ATP2B1: variants seen among roughly 807,000 people sequenced by gnomAD.
The protein encoded by ATP2B1 is plasma membrane calcium-transporting ATPase 1.
Under a neutral mutation model 124.2 loss-of-function variants are expected in ATP2B1, and 14 were observed. The observed-to-expected ratio is 0.11, with a 90% confidence interval of 0.07 to 0.18. The LOEUF (loss-of-function observed/expected upper bound fraction) is 0.18. Ranked by LOEUF, ATP2B1 falls within the 10% of genes least tolerant of loss-of-function variation. The pLI, the probability that ATP2B1 is intolerant of heterozygous loss-of-function variation, is 1.00. For synonymous variants in ATP2B1, 449 were observed against 492.4 expected (o/e 0.91, Z 1.17); for missense variants, 763 against 1,466.1 (o/e 0.52, Z 7.83).
At chr12:89,644,936 T>C (rs1884213166) in intron 2 of ATP2B1, among the ~76,000 whole-genome samples, 1 of 152,176 alleles carries the variant, frequency 6.6e-6, no homozygotes, top group Non-Finnish European at 1.5e-5. Flanking sequence ...GGAGAGTATA[T>C]GGGAAGTAAA....
At chr12:89,600,186 G>A (rs1288174049) in intron 19 of ATP2B1, among the ~76,000 whole-genome samples, 5 of 152,094 alleles carry the variant, frequency 3.3e-5, no homozygotes, top group African/African-American at 1.2e-4. Context: ...TCAGAATCTA[G>A]AAACATAGTT....
intron 1 of ATP2B1, among the ~76,000 whole-genome samples, chr12:89,703,110 A>G (rs1467730053): frequency 6.6e-6 from 1 of 152,144 alleles, no homozygotes; most frequent in Non-Finnish European, 1.5e-5. Flanking sequence ...CTTGAGATGA[A>G]CCTGCTTTGA....
chr12:89,592,602 A>C (rs541088069), intron 20 of ATP2B1, among the ~76,000 whole-genome samples: 2 of 152,136 alleles, frequency 1.3e-5, no homozygotes, highest in South Asian at 4.1e-4. Context: ...AGCATAGTCA[A>C]CTGAGAAATA....
At chr12:89,640,959 C>T (rs1482583349) in intron 3 of ATP2B1, among the ~76,000 whole-genome samples, 1 of 152,168 alleles carries the variant, frequency 6.6e-6, no homozygotes, top group Non-Finnish European at 1.5e-5. Flanking sequence ...CTCAGGTATT[C>T]TTATACAGCA....
At position 89,673,584 on chromosome 12, in the gene ATP2B1, G is replaced by A. The variant is rs1196679497; in HGVS notation, c.-221-17477C>T. On this transcript the variant is annotated intron_variant, in intron 1 of 20. Transcript: ENST00000428670. ...AGATACATTGCTATCAACACTGTGA[G>A]GGTGCCATGAGGACTAAAAGACAAC... is the stretch of plus-strand genomic sequence containing the variant. Among the ~76,000 whole-genome samples the A allele has an allele frequency of 1.2e-4, 18 of 152,146 alleles. 1 individual carries two copies. The highest frequency in any genetic ancestry group is 1.2e-3 in the Admixed American group (18 of 15,280).
chr12:89,612,988 C>CT (rs548521922), intron 12 of ATP2B1, among the ~76,000 whole-genome samples: 214 of 148,708 alleles, frequency 1.4e-3, no homozygotes, highest in Admixed American at 3.2e-3. Flanking sequence ...AGACAAGGTA[C>CT]TTTTTTTTTT....
chr12:89,695,956 A>G (rs914469750), intron 1 of ATP2B1, among the ~76,000 whole-genome samples: 4 of 152,202 alleles, frequency 2.6e-5, no homozygotes, highest in Non-Finnish European at 5.9e-5. Context: ...TACAGTTTCT[A>G]TAAGATGCAG....
chr12:89,707,138 A>G (rs1005247243), intron 1 of ATP2B1, among the ~76,000 whole-genome samples: 1 of 152,152 alleles, frequency 6.6e-6, no homozygotes, highest in Non-Finnish European at 1.5e-5. Context: ...TTCTCCTCCA[A>G]TCCCTCTTAA....
chr12:89,621,410 C>A (rs1879940194), intron 10 of ATP2B1, 139 bp downstream of exon 10: 1 of 615,976 alleles, frequency 1.6e-6, no homozygotes, highest in African/African-American at 1.9e-5. Context: ...ATTTAAAAAC[C>A]ATTATATAAA....
intron 15 of ATP2B1, among the ~76,000 whole-genome samples, chr12:89,606,839 G>A (rs1266636589): frequency 7.2e-5 from 11 of 152,164 alleles, no homozygotes; most frequent in Admixed American, 7.2e-4. Flanking sequence ...GCCTCCCAAA[G>A]TGCTGGGATT....
chr12:89,679,769 TAGAAA>T (rs1292236260), intron 1 of ATP2B1, among the ~76,000 whole-genome samples: 2 of 151,990 alleles, frequency 1.3e-5, no homozygotes, highest in African/African-American at 4.8e-5. Context: ...AAATCACCCA[TAGAAA>T]AGAAAGTCCA....
chr12:89,624,512 T>A lies in ATP2B1; in HGVS notation c.1130-115A>T, dbSNP rs922601473. ...ATAACTTGCTTGATAGTATTGAATT[T>A]CTCTGAGAAATTACTTCTTTCTTGC... On this transcript the variant is annotated intron_variant, in intron 8 of 20. Transcript: ENST00000428670. 2.1e-5 allele frequency: 19 copies of A among 885,764 alleles called. No individual in the cohort carries two copies. The African/African-American group carries it at 2.2e-4, about 10-fold the overall frequency. The allele number at this position is 885,764 out of a possible 1,614,324, so 54.9% of individuals were successfully genotyped here. A position where few individuals can be genotyped will look rare whatever the true frequency, so the allele number is the denominator to read the frequency against.
chr12:89,643,212 GTGTATATA>G (rs1883916114), intron 2 of ATP2B1, among the ~76,000 whole-genome samples: 2 of 150,232 alleles, frequency 1.3e-5, no homozygotes, highest in Non-Finnish European at 3.0e-5. Context: ...GTGTGTATAT[GTGTATATA>G]TGTATATACG....
chr12:89,636,871 C>T (rs1339426653), intron 3 of ATP2B1, among the ~76,000 whole-genome samples: 1 of 152,184 alleles, frequency 6.6e-6, no homozygotes, highest in Non-Finnish European at 1.5e-5. Flanking sequence ...CAAGAAATCA[C>T]CATGTGTCAT....
At chr12:89,607,272 G>C (rs369185091) in intron 15 of ATP2B1, among the ~76,000 whole-genome samples, 1 of 152,172 alleles carries the variant, frequency 6.6e-6, no homozygotes, top group East Asian at 1.9e-4. Context: ...TCTCATTACA[G>C]CACCGCAACC....
chr12:89,616,911 C>G lies in ATP2B1; in HGVS notation c.1958G>C (p.Arg653Thr), dbSNP rs1277401654. 1 of 1,614,130 alleles carries G rather than the reference C, an allele frequency of 6.2e-7. No individual in the cohort carries two copies. Among genetic ancestry groups the G allele is most frequent in the Admixed American group, 1.7e-5 (1 of 60,006 alleles). Reference protein sequence around the residue: ...EGLRTICLAFRDFPAGEPEPE... With the variant: ...EGLRTICLAFTDFPAGEPEPE... ...TTCTGGTTCTCCTGCTGGAAAATCT[C>G]TGAATGCAAGACATATGGTTCTCAA... The change falls in exon 12 of 21, where the codon AGA becomes ACA. Residue 653 changes from arginine (R) to threonine (T), a missense_variant. Transcript: ENST00000428670.
chr12:89,630,709 T>C, intron 5 of ATP2B1, 64 bp from the exon 6 acceptor site: 1 of 1,252,836 alleles, frequency 8.0e-7, no homozygotes, highest in Non-Finnish European at 1.0e-6. Flanking sequence ...CCACCAAATT[T>C]CAAACTTCAG....
At chr12:89,686,080 ATTAT>A (rs1194941112) in intron 1 of ATP2B1, among the ~76,000 whole-genome samples, 1 of 152,160 alleles carries the variant, frequency 6.6e-6, no homozygotes, top group African/African-American at 2.4e-5. Context: ...TGCTTCGGAC[ATTAT>A]TTAATTTTAA....
intron 12 of ATP2B1, among the ~76,000 whole-genome samples, chr12:89,613,475 G>A (rs1447962721): frequency 2.0e-5 from 3 of 152,178 alleles, no homozygotes; most frequent in Non-Finnish European, 4.4e-5. Context: ...CAGGCACTGT[G>A]CTTAGGTCCT....
Sources: gnomAD v4.1 joint callset for allele counts (sites outside exome capture counted in the v4.1 genomes callset) on GRCh38, gnomAD v4.1.1 for gene constraint, MANE v1.5 for transcripts, NCBI Gene and HGNC (gene_info 2026-07-23, HGNC 2026-07-21) for gene names.